The following AGPS variants were observed in gnomAD, a reference collection of about 807,000 sequenced individuals.
The protein encoded by AGPS is alkylglycerone phosphate synthase.
In AGPS, 26 loss-of-function variants were observed where a neutral mutation model predicts 90.7. The observed-to-expected ratio is 0.29, with a 90% CI of 0.21 to 0.40. AGPS has a LOEUF of 0.40. Among genes scored for constraint, AGPS ranks in the 10% least tolerant of loss-of-function variants. The pLI is 1.00. For missense variants in AGPS, 540 were observed against 816.1 expected (o/e 0.66, Z 4.12); for synonymous variants, 294 against 285.3 (o/e 1.03, Z -0.31).
intron 11 of AGPS, among the ~76,000 whole-genome samples, chr2:177,484,829 C>T (rs957096946): frequency 2.0e-5 from 3 of 152,196 alleles, no homozygotes; most frequent in African/African-American, 7.2e-5. Flanking sequence ...GTGGCACAAT[C>T]ACAGCTCAAC....
At chr2:177,479,425 T>C (rs1221495393) in intron 10 of AGPS, among the ~76,000 whole-genome samples, 1 of 152,202 alleles carries the variant, frequency 6.6e-6, no homozygotes, top group Non-Finnish European at 1.5e-5. Flanking sequence ...TCTTTAGATA[T>C]ATATTCAAGA....
intron 11 of AGPS, 151 bp from the exon 12 acceptor site, chr2:177,492,997 A>G: frequency 1.5e-6 from 1 of 661,996 alleles, no homozygotes; most frequent in Non-Finnish European, 2.6e-6. Context: ...TCTTCATAAA[A>G]GTATATGAAA....
Position 177,392,865 on chromosome 2 carries a change from G to C in AGPS, c.76G>C (p.Asp26His). The C allele has an allele frequency of 5.1e-6, 8 of 1,554,174 alleles. No individual in the cohort carries two copies. Among genetic ancestry groups the C allele is most frequent in the Non-Finnish European group, 6.9e-6 (8 of 1,152,424 alleles). ...GASYGSAADR[D>H]RDPDPDRAGR... ...GAGCTACGGGTCTGCAGCGGACCGG[G>C]ACCGGGACCCGGACCCGGACCGCGC... is the stretch of plus-strand genomic sequence containing the variant. Residue 26 changes from aspartate (D) to histidine (H), a missense_variant, in exon 1 of 20, where the codon GAC (aspartate) becomes CAC (histidine). Physicochemically the swap from Asp to His is moderately conservative, Grantham distance 81. Coordinates refer to ENST00000264167, the MANE Select transcript of AGPS (RefSeq NM_003659.4).
In AGPS at chr2:177,538,388, C is replaced by T; in HGVS notation, c.*193C>T. On this transcript the variant is annotated 3_prime_UTR_variant, in exon 20 of 20. Transcript: ENST00000264167. ...ATTGACAGATAGTATTCCTAAATCT[C>T]TCTCATTGTAGGTACATCATTTTAC... The T allele has an allele frequency of 1.6e-6, 1 of 635,588 alleles. No homozygotes were observed. The allele number at this position is 635,588 out of a possible 1,614,324, so 39.4% of individuals were successfully genotyped here. A position where few individuals can be genotyped will look rare whatever the true frequency, so the allele number is the denominator to read the frequency against.
At chr2:177,532,388 A>G (rs377727736) in intron 19 of AGPS, among the ~76,000 whole-genome samples, 3 of 152,200 alleles carry the variant, frequency 2.0e-5, no homozygotes, top group African/African-American at 7.2e-5. Flanking sequence ...TATTAGGGAA[A>G]TGAAAATTAA....
chr2:177,534,595 T>G (rs1421835399), intron 19 of AGPS, among the ~76,000 whole-genome samples: 1 of 128,492 alleles, frequency 7.8e-6, no homozygotes, highest in Non-Finnish European at 1.6e-5. Flanking sequence ...TTGTTTCTTT[T>G]TTTTTTGTGA....
Position 177,497,675 on chromosome 2 carries a change from T to C in AGPS, c.1286-14T>C, listed in dbSNP as rs1418680311. 2.0e-6 allele frequency: 3 copies of C among 1,494,338 alleles called. No individual in the cohort carries two copies. Among genetic ancestry groups the C allele is most frequent in the Non-Finnish European group, 2.7e-6 (3 of 1,097,666 alleles). 92.6% of individuals were successfully genotyped at this position (1,494,338 alleles called of 1,614,324 possible). A position where few individuals can be genotyped will look rare whatever the true frequency, so the allele number is the denominator to read the frequency against. On this transcript the variant is annotated splice_polypyrimidine_tract_variant and intron_variant, in intron 12 of 19. Coordinates refer to ENST00000264167, the MANE Select transcript of AGPS (RefSeq NM_003659.4). ...TAGACTAACCTATTAATATAAACTT[T>C]TTTCTCTTCTTAGGTCATGCTCTTA...
At chr2:177,525,944 T>C (rs1365272891) in intron 19 of AGPS, among the ~76,000 whole-genome samples, 1 of 152,228 alleles carries the variant, frequency 6.6e-6, no homozygotes, top group Non-Finnish European at 1.5e-5. Context: ...CTTGGTAGGC[T>C]CTAACAGAGT....
chr2:177,393,290 T>C, intron 1 of AGPS: 1 of 985,376 alleles, frequency 1.0e-6, no homozygotes, highest in Non-Finnish European at 1.2e-6. Flanking sequence ...CTTGAAGAAC[T>C]CTCGTTGGAG....
intron 9 of AGPS, among the ~76,000 whole-genome samples, chr2:177,466,912 G>T (rs981953415): frequency 3.3e-5 from 5 of 152,102 alleles, no homozygotes; most frequent in African/African-American, 1.2e-4. Flanking sequence ...GCGTGCTTCC[G>T]GCCCCCAAGA....
intron 11 of AGPS, 69 bp downstream of exon 11, chr2:177,482,255 A>G: frequency 2.3e-6 from 2 of 879,470 alleles, no homozygotes; most frequent in East Asian, 3.6e-5. Context: ...TTCAAATTCT[A>G]CTACATAGTT....
intron 8 of AGPS, among the ~76,000 whole-genome samples, chr2:177,446,453 T>G (rs1468342598): frequency 6.6e-6 from 1 of 152,164 alleles, no homozygotes; most frequent in Non-Finnish European, 1.5e-5. Flanking sequence ...CTGTTGCTTT[T>G]GAGGGTCTGC....
At chr2:177,531,504 TAAATGAAGAG>T (rs2079136937) in intron 19 of AGPS, among the ~76,000 whole-genome samples, 1 of 152,084 alleles carries the variant, frequency 6.6e-6, no homozygotes, top group Non-Finnish European at 1.5e-5. Flanking sequence ...AAGACCTAAA[TAAATGAAGAG>T]ACATACAGTA....
chr2:177,447,751 G>A (rs565113583), intron 8 of AGPS, among the ~76,000 whole-genome samples: 2 of 152,032 alleles, frequency 1.3e-5, no homozygotes, highest in South Asian at 4.2e-4. Context: ...TTTGCCTCCA[G>A]TAGGCTATAA....
chr2:177,406,686 G>T (rs1056327698), intron 1 of AGPS, among the ~76,000 whole-genome samples: 4 of 152,148 alleles, frequency 2.6e-5, no homozygotes, highest in Non-Finnish European at 4.4e-5. Context: ...TTTGACTTTT[G>T]GTAGAAGCAA....
intron 19 of AGPS, among the ~76,000 whole-genome samples, chr2:177,533,491 CT>C (rs1166917564): frequency 6.6e-6 from 1 of 152,108 alleles, no homozygotes; most frequent in African/African-American, 2.4e-5. Flanking sequence ...CCTTTAGTAG[CT>C]TCTAGCCTCA....
intron 1 of AGPS, among the ~76,000 whole-genome samples, chr2:177,413,385 G>C (rs1158313319): frequency 6.6e-6 from 1 of 152,204 alleles, no homozygotes; most frequent in Non-Finnish European, 1.5e-5. Flanking sequence ...GAAATGCAAG[G>C]CTCTACCAGA....
chr2:177,505,584 T>A lies in AGPS; in HGVS notation c.1545+9T>A, dbSNP rs201702016. Reference sequence around the variant, plus strand: ...TTATTGCATACATTCGAGTAAGTTATATCATATTTCCCTTGCCACTTAATT... The same window carrying A: ...TTATTGCATACATTCGAGTAAGTTAAATCATATTTCCCTTGCCACTTAATT... On this transcript the variant is annotated intron_variant, in intron 15 of 19. Transcript: ENST00000264167. The A allele has an allele frequency of 1.4e-5, 22 of 1,605,746 alleles. No homozygotes were observed. The Middle Eastern group carries it at 6.6e-4, about 48-fold the overall frequency.
intron 19 of AGPS, among the ~76,000 whole-genome samples, chr2:177,530,261 G>T (rs2079126684): frequency 6.6e-6 from 1 of 152,186 alleles, no homozygotes. Context: ...TATTGGCTAT[G>T]AAATTTGCTA....
Sources: allele counts gnomAD v4.1 joint callset (sites outside exome capture counted in the v4.1 genomes callset), GRCh38; gene constraint gnomAD v4.1.1; transcripts MANE v1.5; gene names NCBI Gene and HGNC (gene_info 2026-07-23, HGNC 2026-07-21).